ZAP70: variants seen among roughly 807,000 people sequenced by gnomAD.
The protein encoded by ZAP70 is zeta chain of T cell receptor associated protein kinase 70.
ZAP70 carries 27 observed loss-of-function variants against 65.8 expected under a neutral mutation model. The observed-to-expected ratio is 0.41, with a 90% CI of 0.30 to 0.57. The LOEUF is 0.57. Among genes scored for constraint, ZAP70 ranks in the 20% least tolerant of loss-of-function variants. The pLI is 0.28. For missense variants in ZAP70, 696 were observed against 870.5 expected (o/e 0.80, Z 2.52); for synonymous variants, 363 against 360.8 (o/e 1.01, Z -0.07).
downstream of ZAP70, among the ~76,000 whole-genome samples, chr2:97,741,368 C>A (rs1473980540): frequency 6.6e-6 from 1 of 152,340 alleles, no homozygotes; most frequent in East Asian, 1.9e-4. Flanking sequence ...CTGCATTCAC[C>A]GCTGCCGCTG....
At chr2:97,723,849 C>T (rs1218863380) in intron 2 of ZAP70, among the ~76,000 whole-genome samples, 167 bp from the exon 3 acceptor site, 2 of 152,254 alleles carry the variant, frequency 1.3e-5, no homozygotes, top group Non-Finnish European at 2.9e-5. Context: ...CAGCAGGCTG[C>T]GGCTTCTCTC....
chr2:97,737,367 C>T lies in ZAP70; in HGVS notation c.1290-106C>T. 3 of 1,249,430 alleles carry T rather than the reference C, an allele frequency of 2.4e-6. No homozygotes were observed. In the South Asian group the frequency reaches 3.8e-5, roughly 16 times the overall value. 77.4% of individuals were successfully genotyped at this position (1,249,430 alleles called of 1,614,324 possible). On this transcript the variant is annotated intron_variant, in intron 10 of 13. Coordinates refer to ENST00000264972, the MANE Select transcript of ZAP70 (RefSeq NM_001079.4). This position sits in a 1 kb window ranked among gnomAD's most constrained non-coding sequence, Gnocchi z 5.0. ...CAGGTGCTCAATAAGCGTTTTTGAA[C>T]ACATGGTCACCTGGCTCATGCCCAG...
chr2:97,732,939 C>G lies in ZAP70; in HGVS notation c.620C>G (p.Thr207Arg). 1 of 1,614,110 alleles carries G rather than the reference C, an allele frequency of 6.2e-7. No individual in the cohort carries two copies. Among genetic ancestry groups the G allele is most frequent in the Non-Finnish European group, 8.5e-7 (1 of 1,180,038 alleles). ...GCCCTGTCCCTCATCTATGGGAAGA[C>G]GGTGTACCACTACCTCATCAGCCAA... ...TYALSLIYGK[T>R]VYHYLISQDK... Residue 207 changes from threonine to arginine, a missense_variant, in exon 5 of 14, where the codon ACG (threonine) becomes AGG (arginine). Around this residue, in one of 3 missense-constraint regions of ZAP70, gnomAD observed 551 missense variants for 630.0 expected, o/e 0.87. Coordinates refer to ENST00000264972, the MANE Select transcript of ZAP70 (RefSeq NM_001079.4).
At chr2:97,743,745 G>A (rs915000854), downstream of ZAP70, among the ~76,000 whole-genome samples, 12 of 152,126 alleles carry the variant, frequency 7.9e-5, no homozygotes, top group East Asian at 1.2e-3. Flanking sequence ...TTCCTCAGAC[G>A]TAAATTCTTC....
At chr2:97,721,074 C>A (rs1677135336) in intron 2 of ZAP70, among the ~76,000 whole-genome samples, 1 of 152,218 alleles carries the variant, frequency 6.6e-6, no homozygotes, top group Admixed American at 6.5e-5. Context: ...AGAAACAACT[C>A]AGAACCGCTA....
At position 97,733,228 on chromosome 2, in the gene ZAP70, G is replaced by C. The variant is rs55852368; in HGVS notation, c.790+16G>C. ...AACGCCTCAGGTGACGGCAGCAGGC[G>C]GGCGGGCGGTGGGCGGGGGCGGCAG... On this transcript the variant is annotated intron_variant, in intron 6 of 13. Coordinates refer to ENST00000264972, the MANE Select transcript of ZAP70 (RefSeq NM_001079.4). 6 of 1,611,168 alleles carry C rather than the reference G, an allele frequency of 3.7e-6. No individual in the cohort carries two copies. Among genetic ancestry groups the C allele is most frequent in the Non-Finnish European group, 5.1e-6 (6 of 1,178,678 alleles).
intron 4 of ZAP70, among the ~76,000 whole-genome samples, chr2:97,727,802 TTTC>T (rs1677451392): frequency 1.3e-5 from 2 of 152,158 alleles, no homozygotes; most frequent in Non-Finnish European, 2.9e-5. Context: ...TCAGTTTTCC[TTTC>T]TTCTTCTCTC....
the ZAP70 span, among the ~76,000 whole-genome samples, chr2:97,745,259 G>A: frequency 1.3e-5 from 2 of 152,140 alleles, no homozygotes; most frequent in Non-Finnish European, 1.5e-5. Context: ...GGCTGGTCTC[G>A]AACTCCTGAC....
At chr2:97,739,171 G>A (rs1311147484) in intron 13 of ZAP70, among the ~76,000 whole-genome samples, 1 of 152,150 alleles carries the variant, frequency 6.6e-6, no homozygotes, top group East Asian at 1.9e-4. Context: ...GGGCAGCTCT[G>A]CCTCCTTAGG....
At chr2:97,745,240 T>A in the ZAP70 span, among the ~76,000 whole-genome samples, 2 of 152,220 alleles carry the variant, frequency 1.3e-5, no homozygotes, top group Admixed American at 6.5e-5. Flanking sequence ...GGTTTCACCA[T>A]GTTGGCCAGG....
At chr2:97,726,612 T>A (rs573152734) in intron 4 of ZAP70, among the ~76,000 whole-genome samples, 1 of 152,378 alleles carries the variant, frequency 6.6e-6, no homozygotes, top group South Asian at 2.1e-4. Context: ...GAAGTTTCTG[T>A]AGATTGCCTG....
Position 97,724,207 on chromosome 2 carries a change from C to T in ZAP70, c.171C>T (p.His57=). 1 of 1,600,854 alleles carries T rather than the reference C, an allele frequency of 6.2e-7. No individual in the cohort carries two copies. Residue 57 remains histidine, a synonymous_variant, in exon 3 of 14, where the codon CAC becomes CAT. Transcript: ENST00000264972. ...VLSLVHDVRF[H]HFPIERQLNG... Reference sequence around the variant, plus strand: ...CGCTCGTGCACGATGTGCGCTTCCACCACTTTCCCATCGAGCGCCAGCTCA... The same window carrying T: ...CGCTCGTGCACGATGTGCGCTTCCATCACTTTCCCATCGAGCGCCAGCTCA...
intron 2 of ZAP70, 92 bp from the exon 3 acceptor site, chr2:97,723,924 C>T: frequency 7.1e-7 from 1 of 1,418,320 alleles, no homozygotes; most frequent in Non-Finnish European, 9.5e-7. Context: ...GCACTGATGC[C>T]CTCCACTTGG....
intron 2 of ZAP70, among the ~76,000 whole-genome samples, chr2:97,717,774 T>G (rs1676997290): frequency 6.6e-6 from 1 of 152,248 alleles, no homozygotes; most frequent in African/African-American, 2.4e-5. Flanking sequence ...GACTCTTTTT[T>G]CCTTTGAAGC....
At chr2:97,732,500 A>G (rs1247426614) in intron 4 of ZAP70, among the ~76,000 whole-genome samples, 1 of 152,170 alleles carries the variant, frequency 6.6e-6, no homozygotes, top group African/African-American at 2.4e-5. Context: ...CTCTCTGTGG[A>G]TGGCAAGTGT....
intron 3 of ZAP70, chr2:97,724,704 C>A: frequency 6.6e-7 from 1 of 1,515,972 alleles, no homozygotes; most frequent in Non-Finnish European, 8.8e-7. Context: ...CGCACTGGGC[C>A]GGGCGAAGGC....
At chr2:97,716,668 C>T (rs1676925830) in intron 2 of ZAP70, among the ~76,000 whole-genome samples, 1 of 152,018 alleles carries the variant, frequency 6.6e-6, no homozygotes, top group East Asian at 1.9e-4. Context: ...TCCGAGGGAC[C>T]TGAACGAATA....
chr2:97,739,386 G>A lies in ZAP70; in HGVS notation c.1748G>A (p.Arg583His), dbSNP rs1017182331. The change falls in exon 14 of 14, where the codon CGC becomes CAC. Residue 583 changes from arginine (R) to histidine (H), a missense_variant. Arg to His is a conservative substitution (Grantham distance 29). Around this residue, in one of 3 missense-constraint regions of ZAP70, gnomAD observed 78 missense variants for 88.6 expected, o/e 0.88. Coordinates refer to ENST00000264972, the MANE Select transcript of ZAP70 (RefSeq NM_001079.4). ...SDCWIYKWED[R>H]PDFLTVEQRM... Reference sequence around the variant, plus strand: ...CCCACGCCCCACAGGTGGGAGGATCGCCCCGACTTCCTGACCGTGGAGCAG... The same window carrying A: ...CCCACGCCCCACAGGTGGGAGGATCACCCCGACTTCCTGACCGTGGAGCAG... The A allele has an allele frequency of 1.2e-6, 2 of 1,613,454 alleles. No homozygotes were observed. Among genetic ancestry groups the A allele is most frequent in the Non-Finnish European group, 1.7e-6 (2 of 1,179,896 alleles).
At chr2:97,754,456 G>A in the ZAP70 span, among the ~76,000 whole-genome samples, 2 of 152,044 alleles carry the variant, frequency 1.3e-5, no homozygotes, top group Non-Finnish European at 2.9e-5. Context: ...AGGCTGGAGT[G>A]CAGTGGTATG....
Sources: gnomAD v4.1 joint callset for allele counts (sites outside exome capture counted in the v4.1 genomes callset) on GRCh38, gnomAD v4.1.1 for gene constraint, gnomAD v4.1.1 regional missense constraint, Gnocchi (gnomAD v3.1) non-coding constraint, MANE v1.5 for transcripts, NCBI Gene and HGNC (gene_info 2026-07-23, HGNC 2026-07-21) for gene names.